Variants in ENOX1 observed in about 807,000 individuals in gnomAD.
The protein encoded by ENOX1 is ecto-NOX disulfide-thiol exchanger 1, also known as candidate growth-related and time keeping constitutive hydroquinone (NADH) oxidase.
ENOX1 carries 42 observed loss-of-function variants against 82.5 expected under a neutral mutation model. The ratio of observed to expected loss-of-function variants is 0.51; its 90% CI spans 0.40 to 0.66. ENOX1 has a LOEUF of 0.66. Ranked by LOEUF, ENOX1 falls within the 30% of genes least tolerant of loss-of-function variation. ENOX1 has a pLI of 0.00. For synonymous variants in ENOX1, 271 were observed against 282.2 expected (o/e 0.96, Z 0.40); for missense variants, 608 against 811.6 (o/e 0.75, Z 3.05).
chr13:43,710,168 A>C (rs1052855672), intron 1 of ENOX1, among the ~76,000 whole-genome samples: 7 of 152,156 alleles, frequency 4.6e-5, no homozygotes, highest in South Asian at 2.1e-4. Flanking sequence ...GGGCAGGAGG[A>C]GGGAAAGACA....
chr13:43,763,598 A>T (rs187041657), intron 1 of ENOX1, among the ~76,000 whole-genome samples: 1 of 152,292 alleles, frequency 6.6e-6, no homozygotes, highest in African/African-American at 2.4e-5. Context: ...TCTCACTACA[A>T]CCCCAACCTC....
chr13:43,419,533 AAC>A (rs1819380499), intron 3 of ENOX1, among the ~76,000 whole-genome samples: 1 of 152,160 alleles, frequency 6.6e-6, no homozygotes, highest in African/African-American at 2.4e-5. Flanking sequence ...TAGCCTGGGC[AAC>A]AGATTGAGTC....
chr13:43,738,842 G>A (rs2089757615), intron 1 of ENOX1, among the ~76,000 whole-genome samples: 1 of 152,146 alleles, frequency 6.6e-6, no homozygotes, highest in East Asian at 1.9e-4. Flanking sequence ...AAGAGGTATT[G>A]CCTTTTACCT....
intron 12 of ENOX1, among the ~76,000 whole-genome samples, chr13:43,273,460 C>A (rs937726820): frequency 1.5e-4 from 23 of 152,168 alleles, no homozygotes; most frequent in African/African-American, 5.3e-4. Context: ...CCCAGACATG[C>A]CAGCTGCTTC....
intron 7 of ENOX1, among the ~76,000 whole-genome samples, chr13:43,356,390 T>C (rs927510420): frequency 2.6e-5 from 4 of 152,176 alleles, no homozygotes; most frequent in Non-Finnish European, 5.9e-5. Flanking sequence ...CTCAGAGGGC[T>C]GCTTACCCAT....
At chr13:43,780,416 T>C (rs1440798307) in intron 1 of ENOX1, among the ~76,000 whole-genome samples, 1 of 151,976 alleles carries the variant, frequency 6.6e-6, no homozygotes, top group African/African-American at 2.4e-5. Flanking sequence ...TGCAAGACAC[T>C]CAGGAATCCC....
chr13:43,326,287 A>T (rs2048109264), intron 10 of ENOX1, 132 bp downstream of exon 10: 4 of 721,570 alleles, frequency 5.5e-6, no homozygotes, highest in African/African-American at 1.8e-5. Context: ...CTGCATTTGG[A>T]GCTGACAGTG....
chr13:43,531,193 GT>G (rs2078196192), intron 2 of ENOX1, among the ~76,000 whole-genome samples: 1 of 151,296 alleles, frequency 6.6e-6, no homozygotes, highest in South Asian at 2.1e-4. Flanking sequence ...AATTTAAAAA[GT>G]TTTAATCTAC....
rs555864699 is a variant in ENOX1 at position 43,545,358 on chromosome 13, C to T, written c.-218-61206G>A. 2.6e-5 allele frequency: 4 copies of T among 152,312 alleles called. No homozygotes were observed. The South Asian group carries it at 6.2e-4, about 24-fold the overall frequency. 9.4% of individuals were successfully genotyped at this position (152,312 alleles called of 1,614,324 possible). ...TATGCAACTAGCCTTTCCAGCTGACCCTAGGGTGGCATTTGCTGTCTACTC... is the reference window on the plus strand; with the variant it reads ...TATGCAACTAGCCTTTCCAGCTGACTCTAGGGTGGCATTTGCTGTCTACTC... On this transcript the variant is annotated intron_variant, in intron 2 of 16. Transcript: ENST00000690772.
At chr13:43,576,388 C>T (rs2080423389) in intron 2 of ENOX1, among the ~76,000 whole-genome samples, 2 of 152,098 alleles carry the variant, frequency 1.3e-5, no homozygotes, top group Non-Finnish European at 2.9e-5. Context: ...TCTTGTAGGA[C>T]TGTATACTTT....
chr13:43,347,509 T>G (rs1230974077), intron 8 of ENOX1, among the ~76,000 whole-genome samples: 1 of 152,244 alleles, frequency 6.6e-6, no homozygotes, highest in African/African-American at 2.4e-5. Flanking sequence ...TCAATATTTG[T>G]TGCCATGTAA....
At position 43,478,776 on chromosome 13, in the gene ENOX1, G is replaced by T. The variant is rs116486276; in HGVS notation, c.-75+5233C>A. Among the ~76,000 whole-genome samples the T allele has an allele frequency of 1.2e-3, 185 of 152,246 alleles. 1 individual carries two copies. In the Middle Eastern group the frequency reaches 0.024, roughly 20 times the overall value. ...AGATACCCCTACTGGAAACTGTATT[G>T]TTAATTCATGAATTCTTCTCATTTT... On this transcript the variant is annotated intron_variant, in intron 3 of 16. Transcript: ENST00000690772.
intron 1 of ENOX1, among the ~76,000 whole-genome samples, chr13:43,749,695 C>T (rs879690450): frequency 1.7e-4 from 26 of 152,318 alleles, no homozygotes; most frequent in Non-Finnish European, 3.4e-4. Context: ...CTGAGAGTAA[C>T]AGTAAAACAA....
chr13:43,531,575 T>A (rs1298071684), intron 2 of ENOX1, among the ~76,000 whole-genome samples: 1 of 147,978 alleles, frequency 6.8e-6, no homozygotes, highest in South Asian at 2.3e-4. Flanking sequence ...CATTACTGGG[T>A]ATATACCCAA....
chr13:43,626,999 A>G (rs1428772491), intron 2 of ENOX1, among the ~76,000 whole-genome samples: 2 of 151,226 alleles, frequency 1.3e-5, no homozygotes, highest in Non-Finnish European at 2.9e-5. Flanking sequence ...TAGAATTGCA[A>G]TATCTTCCTA....
At chr13:43,531,737 T>C (rs1246686744) in intron 2 of ENOX1, among the ~76,000 whole-genome samples, 1 of 148,496 alleles carries the variant, frequency 6.7e-6, no homozygotes, top group Non-Finnish European at 1.5e-5. Context: ...TGGAATACTA[T>C]GCAGCCATAA....
At chr13:43,565,993 T>A (rs984725196) in intron 2 of ENOX1, among the ~76,000 whole-genome samples, 1 of 152,214 alleles carries the variant, frequency 6.6e-6, no homozygotes, top group African/African-American at 2.4e-5. Context: ...TTTAAATTCT[T>A]GATCCTCGTA....
intron 5 of ENOX1, among the ~76,000 whole-genome samples, chr13:43,408,412 C>A (rs575604023): frequency 4.6e-5 from 7 of 152,254 alleles, no homozygotes; most frequent in South Asian, 2.1e-4. Flanking sequence ...TGGGAGAAAG[C>A]CAAGTACTCA....
At chr13:43,478,061 T>TTG in intron 3 of ENOX1, among the ~76,000 whole-genome samples, 1 of 149,370 alleles carries the variant, frequency 6.7e-6, no homozygotes, top group African/African-American at 2.5e-5. Flanking sequence ...GAGGTTTTTT[T>TTG]TTTTTTTTTT....
Sources: gnomAD v4.1 joint callset for allele counts (sites outside exome capture counted in the v4.1 genomes callset) on GRCh38, gnomAD v4.1.1 for gene constraint, MANE v1.5 for transcripts, NCBI Gene and HGNC (gene_info 2026-07-23, HGNC 2026-07-21) for gene names.